Variants in KYAT3 observed in about 807,000 individuals in gnomAD.
The protein encoded by KYAT3 is kynurenine aminotransferase 3.
KYAT3 carries 50 observed loss-of-function variants against 59.0 expected under a neutral mutation model. That is an observed-to-expected ratio of 0.85 (90% CI 0.68 to 1.07). The LOEUF (loss-of-function observed/expected upper bound fraction) is 1.07, where lower values mean the gene tolerates loss of function less well. KYAT3 is among the 50% of genes least tolerant of loss of function. KYAT3 has a pLI of 0.00. For missense variants in KYAT3, 497 were observed against 533.3 expected, an observed-to-expected ratio of 0.93 and a Z score of 0.67; for synonymous variants, 148 against 177.0, an observed-to-expected ratio of 0.84 and a Z score of 1.30.
At chr1:88,921,941 T>A in the KYAT3 span, among the ~76,000 whole-genome samples, 1 of 152,198 alleles carries the variant, frequency 6.6e-6, no homozygotes, top group African/African-American at 2.4e-5. Flanking sequence ...AATATTAATC[T>A]CATCAAAAAA....
At position 88,969,450 on chromosome 1, in the gene KYAT3, G is replaced by A. The variant is rs1274277849; in HGVS notation, c.117C>T (p.Phe39=). The A allele has an allele frequency of 1.3e-6, 2 of 1,577,796 alleles. No individual in the cohort carries two copies. Among genetic ancestry groups the A allele is most frequent in the Non-Finnish European group, 1.7e-6 (2 of 1,149,170 alleles). The change falls in exon 3 of 14, where the codon TTC becomes TTT. Residue 39 remains phenylalanine, a synonymous_variant. Coordinates refer to ENST00000260508, the MANE Select transcript of KYAT3 (RefSeq NM_001008661.3). ...FSTSAKMSLK[F]TNAKRIEGLD... ...GTCCTTCAATCCGTTTTGCATTTGT[G>A]AATTTCAGTGACATTTTCTGAAATA... is the stretch of plus-strand genomic sequence containing the variant.
intron 9 of KYAT3, among the ~76,000 whole-genome samples, chr1:88,953,420 C>A (rs1675762353): frequency 1.3e-5 from 2 of 151,830 alleles, no homozygotes; most frequent in South Asian, 4.2e-4. Context: ...GTGGTGGGCA[C>A]CTGTAATCCC....
chr1:88,960,275 C>T (rs1206758476), intron 8 of KYAT3, among the ~76,000 whole-genome samples: 2 of 151,802 alleles, frequency 1.3e-5, no homozygotes, highest in African/African-American at 4.8e-5. Flanking sequence ...ATTTTTTAGT[C>T]ATCCTTCTCT....
chr1:88,954,653 C>T (rs1675829112), intron 9 of KYAT3, among the ~76,000 whole-genome samples: 1 of 152,036 alleles, frequency 6.6e-6, no homozygotes, highest in African/African-American at 2.4e-5. Context: ...ATAATTAGGT[C>T]TCAAAAAGGA....
At position 88,968,781 on chromosome 1, in the gene KYAT3, A is replaced by G; in HGVS notation, c.192T>C (p.Ser64=). The G allele has an allele frequency of 6.3e-7, 1 of 1,593,938 alleles. No homozygotes were observed. The highest frequency in any genetic ancestry group is 8.5e-7 in the Non-Finnish European group (1 of 1,174,916). Residue 64 remains serine (S), a synonymous_variant, in exon 4 of 14, where the codon TCT becomes TCC. Transcript: ENST00000260508. ...GAAAGCCTTGGCCAAGATTCACAAC[A>G]GAAGGGTCTGCAGCCAATTTGGTAA... The part of the protein sequence containing the change: ...IEFTKLAADP[S]VVNLGQGFPD...
intron 1 of KYAT3, among the ~76,000 whole-genome samples, chr1:88,989,724 C>T (rs1677678635): frequency 1.3e-5 from 2 of 152,192 alleles, no homozygotes; most frequent in South Asian, 4.1e-4. Flanking sequence ...GGTACCAGGC[C>T]TCAATGCCCA....
At chr1:88,983,328 G>A (rs796929377) in intron 2 of KYAT3, 4 of 1,585,234 alleles carry the variant, frequency 2.5e-6, no homozygotes, top group Non-Finnish European at 3.4e-6. Context: ...AGTCCTGAAG[G>A]TGCAGATCTC....
intron 1 of KYAT3, among the ~76,000 whole-genome samples, chr1:88,992,114 G>A (rs1028965032): frequency 2.6e-5 from 4 of 151,938 alleles, no homozygotes; most frequent in African/African-American, 7.2e-5. Context: ...GAGTAGCTGG[G>A]ACTACAGGCG....
At chr1:88,921,673 T>C in the KYAT3 span, among the ~76,000 whole-genome samples, 3 of 152,102 alleles carry the variant, frequency 2.0e-5, no homozygotes, top group African/African-American at 7.2e-5. Context: ...TGTGTAGATG[T>C]ATAGAAAAAG....
At chr1:88,928,380 A>AT in the KYAT3 span, among the ~76,000 whole-genome samples, 20 of 150,164 alleles carry the variant, frequency 1.3e-4, no homozygotes, top group African/African-American at 5.0e-4. Flanking sequence ...GACAAACGGG[A>AT]TAAAAAAAAA....
At chr1:88,992,291 C>T (rs1318491796) in intron 1 of KYAT3, among the ~76,000 whole-genome samples, 1 of 152,192 alleles carries the variant, frequency 6.6e-6, no homozygotes, top group Non-Finnish European at 1.5e-5. Flanking sequence ...ATTAAGAGTC[C>T]CAAAGTCATT....
chr1:88,953,178 T>A (rs2101032483), intron 9 of KYAT3, 26 bp from the exon 10 acceptor site: 1 of 1,477,450 alleles, frequency 6.8e-7, no homozygotes, highest in Non-Finnish European at 9.5e-7. Flanking sequence ...ATAAAAGATT[T>A]CAGAAAATCT....
intron 10 of KYAT3, among the ~76,000 whole-genome samples, chr1:88,951,926 C>A (rs1557685638): frequency 6.6e-6 from 1 of 151,834 alleles, no homozygotes; most frequent in South Asian, 2.1e-4. Context: ...TCCATTGGGC[C>A]CAATGTTATC....
chr1:88,961,292 A>C lies in KYAT3; in HGVS notation c.667-5T>G. 6.2e-7 allele frequency: 1 copy of C among 1,613,688 alleles called. No homozygotes were observed. Among genetic ancestry groups the C allele is most frequent in the Non-Finnish European group, 8.5e-7 (1 of 1,179,914 alleles). The stretch of plus-strand genomic sequence containing the variant: ...CAGTTCCTCTCTGTTATACACCTAC[A>C]CATAATAAAGGAAAGAGCACAGCCA... On this transcript the variant is annotated splice_polypyrimidine_tract_variant and splice_region_variant and intron_variant, in intron 7 of 13. Transcript: ENST00000260508.
At chr1:88,945,978 G>C (rs1314632093) in intron 11 of KYAT3, among the ~76,000 whole-genome samples, 2 of 152,138 alleles carry the variant, frequency 1.3e-5, no homozygotes, top group Non-Finnish European at 2.9e-5. Context: ...ACTAGTTCAA[G>C]ATCTAAGACC....
In KYAT3 at chr1:88,961,364, A is replaced by G. The variant is rs1394296167; in HGVS notation, c.666+17T>C. On this transcript the variant is annotated intron_variant, in intron 7 of 13. Coordinates refer to ENST00000260508, the MANE Select transcript of KYAT3 (RefSeq NM_001008661.3). ...TGATAGGTCAGAAGACTGTATAAGGAGATGAGACTTGCTTACCTTGCCAAG... is the reference window on the plus strand; with the variant it reads ...TGATAGGTCAGAAGACTGTATAAGGGGATGAGACTTGCTTACCTTGCCAAG... 1 of 1,613,592 alleles carries G rather than the reference A, an allele frequency of 6.2e-7. No individual in the cohort carries two copies. The highest frequency in any genetic ancestry group is 8.5e-7 in the Non-Finnish European group (1 of 1,179,824).
chr1:88,952,964 A>G, intron 10 of KYAT3, 99 bp downstream of exon 10: 2 of 717,502 alleles, frequency 2.8e-6, no homozygotes, highest in South Asian at 1.8e-5. Flanking sequence ...CCTGCAACAG[A>G]AGGATAGAAG....
At chr1:88,942,380 A>G (rs1675268611) in intron 13 of KYAT3, among the ~76,000 whole-genome samples, 1 of 151,520 alleles carries the variant, frequency 6.6e-6, no homozygotes, top group Non-Finnish European at 1.5e-5. Context: ...TAATTTCTAG[A>G]TCTGGGTCAC....
chr1:88,981,201 A>C (rs1262684545), intron 2 of KYAT3: 3 of 152,248 alleles, frequency 2.0e-5, no homozygotes, highest in Non-Finnish European at 4.4e-5. Flanking sequence ...GTTACTTTCC[A>C]GATGTCACTC....
Sources: allele counts gnomAD v4.1 joint callset (sites outside exome capture counted in the v4.1 genomes callset), GRCh38; gene constraint gnomAD v4.1.1; transcripts MANE v1.5; gene names NCBI Gene and HGNC (gene_info 2026-07-23, HGNC 2026-07-21).